The following SRGAP1 variants were observed in gnomAD, a reference collection of about 807,000 sequenced individuals.
The protein encoded by SRGAP1 is SLIT-ROBO Rho GTPase activating protein 1, also known as SLIT-ROBO Rho GTPase-activating protein 1.
A neutral mutation model predicts 121.9 loss-of-function variants in SRGAP1; 43 were observed. The observed-to-expected ratio is 0.35, with a 90% CI of 0.28 to 0.46. SRGAP1 has a LOEUF of 0.46. Ranked by LOEUF, SRGAP1 falls within the 20% of genes least tolerant of loss-of-function variation. SRGAP1 has a pLI of 1.00. For missense variants in SRGAP1, 1,102 were observed against 1,350.9 expected (o/e 0.82, Z 2.89); for synonymous variants, 447 against 485.4 (o/e 0.92, Z 1.04).
At chr12:63,980,137 C>G (rs892347186) in intron 1 of SRGAP1, among the ~76,000 whole-genome samples, 4 of 152,206 alleles carry the variant, frequency 2.6e-5, no homozygotes, top group African/African-American at 9.6e-5. Flanking sequence ...ACTATTGCCT[C>G]AAGCTCTAGG....
intron 4 of SRGAP1, among the ~76,000 whole-genome samples, chr12:64,028,355 A>G (rs1246829151): frequency 6.6e-6 from 1 of 152,252 alleles, no homozygotes; most frequent in African/African-American, 2.4e-5. Flanking sequence ...CTTGTTGGGC[A>G]TGATTAAGTC....
chr12:64,136,742 CT>C (rs955018751), intron 21 of SRGAP1, among the ~76,000 whole-genome samples: 17 of 152,164 alleles, frequency 1.1e-4, no homozygotes, highest in Non-Finnish European at 2.1e-4. Flanking sequence ...TTATTTTTTT[CT>C]GTTTAGAGTG....
chr12:64,113,089 A>G (rs2036455795), intron 17 of SRGAP1, among the ~76,000 whole-genome samples: 2 of 151,736 alleles, frequency 1.3e-5, no homozygotes, highest in South Asian at 2.1e-4. Context: ...CTGAGCAACA[A>G]AACAAGACCC....
At chr12:63,893,652 G>T (rs2136298991) in intron 1 of SRGAP1, among the ~76,000 whole-genome samples, 1 of 152,204 alleles carries the variant, frequency 6.6e-6, no homozygotes, top group Non-Finnish European at 1.5e-5. Flanking sequence ...CAAGTGACTT[G>T]CCCAAAGTCC....
At chr12:63,923,133 A>G (rs556641960) in intron 1 of SRGAP1, among the ~76,000 whole-genome samples, 2 of 152,330 alleles carry the variant, frequency 1.3e-5, no homozygotes, top group South Asian at 2.1e-4. Flanking sequence ...TGCTAATCCT[A>G]TCACTCAGAG....
chr12:64,101,308 G>GTGTGT lies in SRGAP1; in HGVS notation c.1813+3933_1813+3934insTGTGT, dbSNP rs1555174256. 5.1e-5 allele frequency among the ~76,000 whole-genome samples: 7 copies of GTGTGT among 138,098 alleles called. No individual in the cohort carries two copies. In the East Asian group the frequency reaches 1.1e-3, roughly 22 times the overall value. 90.6% of individuals were successfully genotyped at this position (138,098 alleles called of 152,430 possible). ...TATTTTTGGATTGTTTGGGGAAAGG[G>GTGTGT]GTGTGTGTGTGTGTGTGTGTGTGTG... On this transcript the variant is annotated intron_variant, in intron 15 of 21. Coordinates refer to ENST00000355086, the MANE Select transcript of SRGAP1 (RefSeq NM_020762.4).
At chr12:63,909,577 C>G (rs1329879866) in intron 1 of SRGAP1, among the ~76,000 whole-genome samples, 2 of 152,208 alleles carry the variant, frequency 1.3e-5, no homozygotes, top group Non-Finnish European at 2.9e-5. Flanking sequence ...CTCTGTGTTC[C>G]TGTCGTCTTT....
intron 1 of SRGAP1, among the ~76,000 whole-genome samples, chr12:63,919,510 A>G (rs1022439321): frequency 2.0e-5 from 3 of 148,140 alleles, no homozygotes; most frequent in African/African-American, 7.8e-5. Flanking sequence ...ATATATATAT[A>G]TATATATATA....
chr12:63,891,767 A>G (rs1017345064), intron 1 of SRGAP1, among the ~76,000 whole-genome samples: 1 of 152,150 alleles, frequency 6.6e-6, no homozygotes, highest in Non-Finnish European at 1.5e-5. Context: ...TGGGAGGATC[A>G]CTTGAGGCCA....
chr12:64,066,159 G>T (rs1025204831), intron 8 of SRGAP1, among the ~76,000 whole-genome samples: 1 of 152,188 alleles, frequency 6.6e-6, no homozygotes, highest in East Asian at 1.9e-4. Context: ...ATGTTATCAG[G>T]ACTCTCTCTT....
intron 6 of SRGAP1, among the ~76,000 whole-genome samples, chr12:64,055,449 A>G (rs1275019291): frequency 3.3e-5 from 5 of 151,866 alleles, no homozygotes; most frequent in African/African-American, 9.7e-5. Context: ...TACAGATTCA[A>G]TGCCATCCCC....
chr12:64,079,210 C>T, intron 9 of SRGAP1, 94 bp downstream of exon 9: 1 of 1,393,882 alleles, frequency 7.2e-7, no homozygotes, highest in Non-Finnish European at 9.9e-7. Context: ...TCTGGGGTTC[C>T]TTTTGTTAAA....
chr12:63,931,508 G>A (rs74099375), intron 1 of SRGAP1, among the ~76,000 whole-genome samples: 3,422 of 152,026 alleles, frequency 0.023, 114 homozygotes, highest in African/African-American at 0.078. Context: ...TTGAGTACAC[G>A]CTACTACATA....
intron 1 of SRGAP1, among the ~76,000 whole-genome samples, chr12:63,918,696 C>T (rs889268770): frequency 2.6e-5 from 4 of 152,182 alleles, no homozygotes; most frequent in African/African-American, 4.8e-5. Context: ...GGATTACAGG[C>T]GTGAGCCGTT....
rs549130696 is a variant in SRGAP1 at position 63,924,139 on chromosome 12, CAGAG to C, written c.68-59806_68-59803del. Among the ~76,000 whole-genome samples, 771 of 151,550 alleles carry C rather than the reference CAGAG, an allele frequency of 5.1e-3. 7 individuals are homozygous for C. Among genetic ancestry groups the C allele is most frequent in the African/African-American group, 0.017 (722 of 41,266 alleles). On this transcript the variant is annotated intron_variant, in intron 1 of 21. Transcript: ENST00000355086. ...CACCACTGCATTCCAGGCTGGGTGA[CAGAG>C]AAAGACCCCATTTAAAAGAAAAAAG...
chr12:64,126,316 C>G (rs1024326837), intron 19 of SRGAP1, among the ~76,000 whole-genome samples, 159 bp downstream of exon 19: 1 of 152,196 alleles, frequency 6.6e-6, no homozygotes, highest in Non-Finnish European at 1.5e-5. Context: ...TGGCTCTTTG[C>G]TAACAGTAAG....
At chr12:64,042,302 A>G (rs1022921212) in intron 4 of SRGAP1, among the ~76,000 whole-genome samples, 1 of 152,160 alleles carries the variant, frequency 6.6e-6, no homozygotes, top group Non-Finnish European at 1.5e-5. Flanking sequence ...CAGAAAAACA[A>G]TGTTTTTTCA....
chr12:64,146,036 C>A lies in SRGAP1; in HGVS notation c.*3364C>A, dbSNP rs2037046051. Reference sequence around the variant, plus strand: ...CACTGAAGGAGATTCATCAAGTCAGCCTTTTGGACTGGGTTGGGGTTTGGG... The same window carrying A: ...CACTGAAGGAGATTCATCAAGTCAGACTTTTGGACTGGGTTGGGGTTTGGG... On this transcript the variant is annotated 3_prime_UTR_variant, in exon 22 of 22. Coordinates refer to ENST00000355086, the MANE Select transcript of SRGAP1 (RefSeq NM_020762.4). The A allele has an allele frequency of 1.3e-5, 2 of 152,124 alleles. No homozygotes were observed. Among genetic ancestry groups the A allele is most frequent in the South Asian group, 4.1e-4 (2 of 4,824 alleles). The allele number at this position is 152,124 out of a possible 1,614,324, so 9.4% of individuals were successfully genotyped here. A position where few individuals can be genotyped will look rare whatever the true frequency, so the allele number is the denominator to read the frequency against.
chr12:64,067,546 C>T (rs995870894), intron 8 of SRGAP1, among the ~76,000 whole-genome samples: 1 of 152,110 alleles, frequency 6.6e-6, no homozygotes, highest in Non-Finnish European at 1.5e-5. Context: ...AGCATGACTA[C>T]TGGTTTATGA....
Sources: gnomAD v4.1 joint callset for allele counts (sites outside exome capture counted in the v4.1 genomes callset) on GRCh38, gnomAD v4.1.1 for gene constraint, MANE v1.5 for transcripts, NCBI Gene and HGNC (gene_info 2026-07-23, HGNC 2026-07-21) for gene names.